The following RETREG1 variants were observed in gnomAD, a reference collection of about 807,000 sequenced individuals.
The protein encoded by RETREG1 is reticulophagy regulator 1.
RETREG1 carries 44 observed loss-of-function variants against 54.8 expected under a neutral mutation model. That is an observed-to-expected ratio of 0.80 (90% CI 0.63 to 1.03). RETREG1 has a LOEUF of 1.03. Ranked by LOEUF, RETREG1 falls within the 50% of genes least tolerant of loss-of-function variation. RETREG1 has a pLI of 0.00. For synonymous variants in RETREG1, 217 were observed against 238.5 expected (o/e 0.91, Z 0.83); for missense variants, 554 against 605.1 (o/e 0.92, Z 0.89).
intron 3 of RETREG1, among the ~76,000 whole-genome samples, chr5:16,537,582 C>A (rs34626934): frequency 5.9e-5 from 9 of 152,206 alleles, no homozygotes; most frequent in Non-Finnish European, 1.2e-4. Flanking sequence ...CCTGTAATCC[C>A]AGCTACTTGG....
chr5:16,612,064 CAA>C (rs35639329), intron 1 of RETREG1, among the ~76,000 whole-genome samples: 14 of 120,378 alleles, frequency 1.2e-4, no homozygotes, highest in Non-Finnish European at 1.2e-4. Context: ...GACTCCGTCT[CAA>C]AAAAAAAAAA....
At position 16,616,826 on chromosome 5, in the gene RETREG1, G is replaced by A. The variant is rs1199294049; in HGVS notation, c.146C>T (p.Ala49Val). ...CACCTGCAACCCCGCGCCCTCCGCC[G>A]CCCCAGCTTCCTGCGCTTCCTCCTC... is the stretch of plus-strand genomic sequence containing the variant. ...QQEEEAQEAG[A>V]AEGAGLQVEE... is the part of the protein sequence containing the mutation. The change falls in exon 1 of 9, where the codon GCG becomes GTG. Residue 49 changes from alanine (A) to valine (V), a missense_variant. By Grantham distance (64) the Ala-to-Val change is moderately conservative (BLOSUM62 0). This residue lies in a region of RETREG1 where 175 missense variants were observed against 142.1 expected (regional missense o/e 1.23). Coordinates refer to ENST00000306320, the MANE Select transcript of RETREG1 (RefSeq NM_001034850.3). 1.3e-6 allele frequency: 2 copies of A among 1,515,358 alleles called. No individual in the cohort carries two copies. Among genetic ancestry groups the A allele is most frequent in the South Asian group, 1.2e-5 (1 of 82,070 alleles). 93.9% of individuals were successfully genotyped at this position (1,515,358 alleles called of 1,614,324 possible).
intron 1 of RETREG1, among the ~76,000 whole-genome samples, chr5:16,610,791 C>A (rs1204889301): frequency 6.6e-6 from 1 of 152,144 alleles, no homozygotes; most frequent in African/African-American, 2.4e-5. Flanking sequence ...AATAGGAACA[C>A]TTTTACACTG....
In RETREG1 at chr5:16,475,008, C is replaced by T. The variant is rs772981635; in HGVS notation, c.1227G>A (p.Met409Ile). The change falls in exon 9 of 9, where the codon ATG becomes ATA. Residue 409 changes from methionine to isoleucine, a missense_variant. By Grantham distance (10) the Met-to-Ile change is conservative (BLOSUM62 1). Coordinates refer to ENST00000306320, the MANE Select transcript of RETREG1 (RefSeq NM_001034850.3). ...TGATAACATCCCCAGCCAGGTTGCTCATCAGGTGAAAGGTTTGGTCACTGT... is the reference window on the plus strand; with the variant it reads ...TGATAACATCCCCAGCCAGGTTGCTTATCAGGTGAAAGGTTTGGTCACTGT... ...PLNSDQTFHL[M>I]SNLAGDVITA... is the part of the protein sequence containing the mutation. 5.0e-6 allele frequency: 8 copies of T among 1,613,628 alleles called. No homozygotes were observed. In the South Asian group the frequency reaches 8.8e-5, roughly 18 times the overall value.
chr5:16,522,356 C>T (rs1007853868), intron 3 of RETREG1, among the ~76,000 whole-genome samples: 5 of 152,170 alleles, frequency 3.3e-5, no homozygotes, highest in African/African-American at 1.2e-4. Context: ...TTGAGAGGCA[C>T]AGTTTATCAC....
chr5:16,587,127 A>C (rs380838), intron 1 of RETREG1, among the ~76,000 whole-genome samples: 65,708 of 152,042 alleles, frequency 0.43, 14,150 homozygotes, highest in Non-Finnish European at 0.45. Flanking sequence ...AGGCATAGTG[A>C]TAGGTGCTGA....
At chr5:16,569,283 C>CTTTATTTTTT (rs1304709996) in intron 2 of RETREG1, among the ~76,000 whole-genome samples, 4 of 115,682 alleles carry the variant, frequency 3.5e-5, no homozygotes, top group African/African-American at 9.1e-5. Flanking sequence ...ATTCCCATTT[C>CTTTATTTTTT]TTTCTTTTTT....
intron 3 of RETREG1, among the ~76,000 whole-genome samples, chr5:16,520,999 G>A (rs554289059): frequency 1.2e-4 from 18 of 152,228 alleles, no homozygotes; most frequent in Admixed American, 5.2e-4. Context: ...CAGACCTCAC[G>A]CCTCACCCAG....
intron 3 of RETREG1, among the ~76,000 whole-genome samples, chr5:16,496,271 T>C (rs944130905): frequency 3.3e-5 from 5 of 152,202 alleles, no homozygotes; most frequent in African/African-American, 1.2e-4. Context: ...GAGCAGTTCA[T>C]TTCTCCCTTA....
Position 16,474,116 on chromosome 5 carries a change from C to T in RETREG1, c.*625G>A, listed in dbSNP as rs1183507951. The T allele has an allele frequency of 6.5e-6, 1 of 153,250 alleles. No individual in the cohort carries two copies. Among genetic ancestry groups the T allele is most frequent in the Non-Finnish European group, 1.4e-5 (1 of 68,976 alleles). The allele number at this position is 153,250 out of a possible 1,614,324, so 9.5% of individuals were successfully genotyped here. A position where few individuals can be genotyped will look rare whatever the true frequency, so the allele number is the denominator to read the frequency against. ...TGGAGCATGCTTCTTTACAAATAAG[C>T]CTAAGTCTACAACTGCAGAAATAAC... On this transcript the variant is annotated 3_prime_UTR_variant, in exon 9 of 9. Transcript: ENST00000306320.
chr5:16,525,277 C>T (rs562752921), intron 3 of RETREG1, among the ~76,000 whole-genome samples: 7 of 119,478 alleles, frequency 5.9e-5, no homozygotes, highest in South Asian at 2.6e-4. Context: ...GGTGGATGTG[C>T]GCGGGGGGAC....
At chr5:16,606,590 A>G (rs1014363849) in intron 1 of RETREG1, among the ~76,000 whole-genome samples, 6 of 152,208 alleles carry the variant, frequency 3.9e-5, no homozygotes, top group South Asian at 2.1e-4. Flanking sequence ...GCATTGGTTA[A>G]GGTCACTACC....
rs201026378 is a variant in RETREG1 at position 16,483,468 on chromosome 5, C to A, written c.463G>T (p.Glu155Ter). ...QLWRSLSESW[E>*]VINSKPDERP... ...TCATCTGGTTTGGAATTGATAACTT[C>A]CCAGCTAAAGAGACAAAAAGAAAAA... is the stretch of plus-strand genomic sequence containing the variant. Residue 155 changes from glutamate to a stop codon, truncating the protein, a stop_gained, in exon 4 of 9, where the codon GAA becomes TAA. Coordinates refer to ENST00000306320, the MANE Select transcript of RETREG1 (RefSeq NM_001034850.3). LOFTEE classifies it high-confidence loss of function. 6.2e-7 allele frequency: 1 copy of A among 1,613,016 alleles called. No homozygotes were observed. Among genetic ancestry groups the A allele is most frequent in the Admixed American group, 1.7e-5 (1 of 59,926 alleles).
chr5:16,561,887 G>A lies in RETREG1; in HGVS notation c.458+3876C>T, dbSNP rs1741865973. 1.3e-5 allele frequency among the ~76,000 whole-genome samples: 2 copies of A among 152,222 alleles called. No homozygotes were observed. The highest frequency in any genetic ancestry group is 4.8e-5 in the African/African-American group (2 of 41,466). ...CTCAGTAAATCTGAAAGAACCCTGA[G>A]TCAAAGAGCATGGAGTGCTTTTTCA... On this transcript the variant is annotated intron_variant, in intron 3 of 8. Coordinates refer to ENST00000306320, the MANE Select transcript of RETREG1 (RefSeq NM_001034850.3). This position sits in a 1 kb window ranked among gnomAD's most constrained non-coding sequence, Gnocchi z 4.2.
intron 1 of RETREG1, among the ~76,000 whole-genome samples, chr5:16,578,350 TTTG>T (rs1384865898): frequency 6.6e-6 from 1 of 152,260 alleles, no homozygotes; most frequent in African/African-American, 2.4e-5. Flanking sequence ...AAAATAATGT[TTTG>T]TTAGCTAAAA....
At chr5:16,613,425 G>A (rs988946480) in intron 1 of RETREG1, among the ~76,000 whole-genome samples, 8 of 148,988 alleles carry the variant, frequency 5.4e-5, no homozygotes, top group African/African-American at 1.8e-4. Flanking sequence ...ACAATACCAC[G>A]TTCCCCAAAA....
At chr5:16,540,484 C>T (rs1183020839) in intron 3 of RETREG1, among the ~76,000 whole-genome samples, 1 of 152,202 alleles carries the variant, frequency 6.6e-6, no homozygotes, top group Non-Finnish European at 1.5e-5. Flanking sequence ...CTGAGAATCT[C>T]AAACTCTCTG....
At chr5:16,613,973 G>A (rs1743420398) in intron 1 of RETREG1, among the ~76,000 whole-genome samples, 1 of 152,114 alleles carries the variant, frequency 6.6e-6, no homozygotes, top group Non-Finnish European at 1.5e-5. Flanking sequence ...GAATTATAAT[G>A]CAAAAGCAAC....
At chr5:16,526,989 A>G (rs431440) in intron 3 of RETREG1, among the ~76,000 whole-genome samples, 18,033 of 152,228 alleles carry the variant, frequency 0.12, 1,218 homozygotes, top group African/African-American at 0.15. Context: ...GGTGCGAAAG[A>G]CTGGCCTCCT....
Sources: gnomAD v4.1 joint callset for allele counts (sites outside exome capture counted in the v4.1 genomes callset) on GRCh38, gnomAD v4.1.1 for gene constraint, gnomAD v4.1.1 regional missense constraint, Gnocchi (gnomAD v3.1) non-coding constraint, MANE v1.5 for transcripts, NCBI Gene and HGNC (gene_info 2026-07-23, HGNC 2026-07-21) for gene names.